The following IPO11 variants were observed in gnomAD, a reference collection of about 807,000 sequenced individuals.
The protein encoded by IPO11 is importin-11.
Under a neutral mutation model 143.2 loss-of-function variants are expected in IPO11, and 66 were observed. That is an observed-to-expected ratio of 0.46 (90% confidence interval 0.38 to 0.57). The LOEUF (loss-of-function observed/expected upper bound fraction) is 0.57. Among genes scored for constraint, IPO11 ranks in the 20% least tolerant of loss-of-function variants. The probability of loss-of-function intolerance (pLI) is 0.00; values close to 1 mark genes in which losing one functional copy is unlikely to be tolerated. For missense variants in IPO11, 1,026 were observed against 1,141.0 expected (o/e 0.90, Z 1.45); for synonymous variants, 385 against 377.8 (o/e 1.02, Z -0.22).
At chr5:62,595,604 A>G (rs1263884227) in intron 28 of IPO11, among the ~76,000 whole-genome samples, 1 of 152,162 alleles carries the variant, frequency 6.6e-6, no homozygotes. Context: ...TCCAAGATAA[A>G]TGGATAGTCA....
chr5:62,431,281 T>TA (rs545806454), intron 1 of IPO11, among the ~76,000 whole-genome samples: 81 of 152,184 alleles, frequency 5.3e-4, no homozygotes, highest in African/African-American at 1.9e-3. Context: ...ATCTGGGCCT[T>TA]ACAGTGTATT....
intron 26 of IPO11, 124 bp downstream of exon 26, chr5:62,551,460 CTTTA>C (rs1390232159): frequency 2.4e-5 from 13 of 533,578 alleles, no homozygotes; most frequent in African/African-American, 3.8e-5. Flanking sequence ...CATTTTAAAT[CTTTA>C]TTTATGCTGT....
chr5:62,608,382 T>A (rs187194020), intron 29 of IPO11, among the ~76,000 whole-genome samples: 1 of 152,204 alleles, frequency 6.6e-6, no homozygotes, highest in Non-Finnish European at 1.5e-5. Flanking sequence ...GCATACATAT[T>A]TTCTAAAAGC....
intron 26 of IPO11, chr5:62,560,879 A>G: frequency 4.0e-6 from 1 of 250,908 alleles, no homozygotes; most frequent in East Asian, 7.4e-5. Context: ...AAATGATACT[A>G]CTAAAATCAC....
chr5:62,563,355 C>T lies in IPO11; in HGVS notation c.2582+2098C>T, dbSNP rs145328858. On this transcript the variant is annotated intron_variant, in intron 27 of 29. Coordinates refer to ENST00000325324, the MANE Select transcript of IPO11 (RefSeq NM_016338.5). ...TTAGAGTTTTCTCCAAGATAAAGTA[C>T]TGAGATTATTGAAAGAAAGCTAGAA... 5.0e-3 allele frequency among the ~76,000 whole-genome samples: 762 copies of T among 152,186 alleles called. 14 individuals are homozygous for T. The highest frequency in any genetic ancestry group is 0.035 in the Admixed American group (530 of 15,280).
intron 16 of IPO11, among the ~76,000 whole-genome samples, chr5:62,495,000 T>A (rs1014009977): frequency 2.8e-4 from 43 of 152,186 alleles, no homozygotes; most frequent in Non-Finnish European, 6.2e-4. Flanking sequence ...TTTTTACATA[T>A]GCTGACATAA....
intron 27 of IPO11, among the ~76,000 whole-genome samples, chr5:62,567,175 T>C (rs574190701): frequency 4.6e-5 from 7 of 152,330 alleles, no homozygotes; most frequent in African/African-American, 1.7e-4. Flanking sequence ...ATGTTTGAAG[T>C]ATATTTCTGC....
intron 1 of IPO11, among the ~76,000 whole-genome samples, chr5:62,429,625 T>TGC (rs1743905342): frequency 2.0e-5 from 3 of 147,962 alleles, no homozygotes; most frequent in Non-Finnish European, 3.0e-5. Flanking sequence ...TGTGTGTGTG[T>TGC]GTATGTGTTT....
At chr5:62,467,058 T>G (rs1745597380) in intron 5 of IPO11, 73 bp from the exon 6 acceptor site, 3 of 1,341,408 alleles carry the variant, frequency 2.2e-6, no homozygotes, top group Admixed American at 2.4e-5. Flanking sequence ...CTAAAATATA[T>G]TACTTTGTAG....
rs116502400 is a variant in IPO11 at position 62,622,766 on chromosome 5, G to A, written c.2764-4388G>A. 5.0e-3 allele frequency among the ~76,000 whole-genome samples: 757 copies of A among 152,278 alleles called. 6 individuals are homozygous for A. The highest frequency in any genetic ancestry group is 0.017 in the African/African-American group (713 of 41,528). On this transcript the variant is annotated intron_variant, in intron 29 of 29. Coordinates refer to ENST00000325324, the MANE Select transcript of IPO11 (RefSeq NM_016338.5). ...TATGTCAGGAAACCTAGCTTACAAG[G>A]TAATTGCTAAATTGGAATTTTAATT...
At chr5:62,508,536 CCTT>C (rs1439606918) in intron 19 of IPO11, among the ~76,000 whole-genome samples, 1 of 151,582 alleles carries the variant, frequency 6.6e-6, no homozygotes, top group East Asian at 1.9e-4. Context: ...CCTTTGTCTT[CCTT>C]CTTCCTTCTT....
intron 26 of IPO11, among the ~76,000 whole-genome samples, chr5:62,558,330 T>C (rs1239305745): frequency 2.0e-5 from 3 of 152,208 alleles, no homozygotes; most frequent in African/African-American, 7.2e-5. Flanking sequence ...TAGAACATCA[T>C]CTGGTATATT....
At chr5:62,553,680 A>G (rs957376680) in intron 26 of IPO11, among the ~76,000 whole-genome samples, 1 of 149,262 alleles carries the variant, frequency 6.7e-6, no homozygotes, top group African/African-American at 2.5e-5. Context: ...GATAATAGCC[A>G]TTCTAACTGG....
chr5:62,497,347 A>G (rs1261397476), intron 16 of IPO11, among the ~76,000 whole-genome samples: 1 of 152,206 alleles, frequency 6.6e-6, no homozygotes, highest in East Asian at 1.9e-4. Flanking sequence ...TATTTTCCAC[A>G]TATATTTCAA....
intron 3 of IPO11, among the ~76,000 whole-genome samples, chr5:62,446,689 C>A (rs1209145186): frequency 1.3e-5 from 2 of 152,134 alleles, no homozygotes; most frequent in African/African-American, 4.8e-5. Context: ...TTCTCCTAGG[C>A]CAGGTGCAGT....
chr5:62,437,452 A>C, intron 2 of IPO11, 35 bp downstream of exon 2: 1 of 1,563,970 alleles, frequency 6.4e-7, no homozygotes, highest in Non-Finnish European at 8.7e-7. Flanking sequence ...TTTTCTTTTT[A>C]ATAAAATGAG....
At chr5:62,608,186 C>A (rs1745797476) in intron 29 of IPO11, among the ~76,000 whole-genome samples, 1 of 152,098 alleles carries the variant, frequency 6.6e-6, no homozygotes, top group Non-Finnish European at 1.5e-5. Flanking sequence ...TCTCTTCTTC[C>A]TTACTAATCA....
intron 1 of IPO11, among the ~76,000 whole-genome samples, chr5:62,424,478 G>T (rs1394521712): frequency 6.7e-6 from 1 of 149,394 alleles, no homozygotes; most frequent in Non-Finnish European, 1.5e-5. Flanking sequence ...TGTTGCCCAG[G>T]CTGGAGTGCA....
At chr5:62,415,834 G>A (rs1743277161) in intron 1 of IPO11, among the ~76,000 whole-genome samples, 1 of 152,060 alleles carries the variant, frequency 6.6e-6, no homozygotes, top group South Asian at 2.1e-4. Context: ...ACATTGAGTG[G>A]GAACTTCATT....
Sources: allele counts gnomAD v4.1 joint callset (sites outside exome capture counted in the v4.1 genomes callset), GRCh38; gene constraint gnomAD v4.1.1; transcripts MANE v1.5; gene names NCBI Gene and HGNC (gene_info 2026-07-23, HGNC 2026-07-21).